TMEM150A: variants seen among roughly 807,000 people sequenced by gnomAD.
TMEM150A encodes the protein transmembrane protein 150A, also known as fasting-inducible integral membrane protein TM6P1.
TMEM150A carries 18 observed loss-of-function variants against 29.8 expected under a neutral mutation model. The ratio of observed to expected loss-of-function variants is 0.60; its 90% CI spans 0.42 to 0.90. The LOEUF (loss-of-function observed/expected upper bound fraction) is 0.90, where lower values mean the gene tolerates loss of function less well. Ranked by LOEUF, TMEM150A falls within the 40% of genes least tolerant of loss-of-function variation. The probability of loss-of-function intolerance (pLI) is 0.00; values close to 1 mark genes in which losing one functional copy is unlikely to be tolerated. For synonymous variants in TMEM150A, 127 were observed against 143.6 expected (o/e 0.88, Z 0.83); for missense variants, 251 against 349.7 (o/e 0.72, Z 2.25).
Position 85,598,790 on chromosome 2 carries a change from A to G in TMEM150A, c.*286T>C, listed in dbSNP as rs911688530. ...GAAACCCCAGTGGTCTGGCTTTGGCACTGGGAGTAGAAGGCACCTGAAGGG... is the reference window on the plus strand; with the variant it reads ...GAAACCCCAGTGGTCTGGCTTTGGCGCTGGGAGTAGAAGGCACCTGAAGGG... On this transcript the variant is annotated 3_prime_UTR_variant, in exon 8 of 8. Transcript: ENST00000334462. 3 of 395,656 alleles carry G rather than the reference A, an allele frequency of 7.6e-6. No homozygotes were observed. The highest frequency in any genetic ancestry group is 7.4e-5 in the Admixed American group (2 of 27,034). 24.5% of individuals were successfully genotyped at this position (395,656 alleles called of 1,614,324 possible).
chr2:85,600,283 G>T (rs1672860537), intron 5 of TMEM150A, 62 bp downstream of exon 5: 3 of 1,585,786 alleles, frequency 1.9e-6, no homozygotes, highest in Non-Finnish European at 2.6e-6. Flanking sequence ...GGCTTCCTGG[G>T]CCTTTCTGTG....
rs762798372 is a variant in TMEM150A, at chr2:85,600,458, G to A, written c.201-46C>T. 1.5e-5 allele frequency: 22 copies of A among 1,502,652 alleles called. No individual in the cohort carries two copies. The Middle Eastern group carries it at 5.4e-4, about 37-fold the overall frequency. The allele number at this position is 1,502,652 out of a possible 1,614,324, so 93.1% of individuals were successfully genotyped here. On this transcript the variant is annotated intron_variant, in intron 4 of 7. Coordinates refer to ENST00000334462, the MANE Select transcript of TMEM150A (RefSeq NM_001031738.3). Reference sequence around the variant, plus strand: ...AGAGTAAGAGGGGTGCAGGAGGCCCGGGGGGCCCCCATTTTGGCTCACTGG... The same window carrying A: ...AGAGTAAGAGGGGTGCAGGAGGCCCAGGGGGCCCCCATTTTGGCTCACTGG...
Position 85,599,798 on chromosome 2 carries a change from CCT to C in TMEM150A, c.396+91_396+92del, listed in dbSNP as rs1672826600. 6.2e-7 allele frequency: 1 copy of C among 1,602,974 alleles called. No individual in the cohort carries two copies. Among genetic ancestry groups the C allele is most frequent in the African/African-American group, 1.3e-5 (1 of 74,796 alleles). ...TCCTCTCTCCCTCTTCCTTCCTCTCCCTCTTTCCAGCCCCAACCTTGAGGTGC... is the reference window on the plus strand; with the variant it reads ...TCCTCTCTCCCTCTTCCTTCCTCTCCCTTTCCAGCCCCAACCTTGAGGTGC... On this transcript the variant is annotated intron_variant, in intron 6 of 7. Coordinates refer to ENST00000334462, the MANE Select transcript of TMEM150A (RefSeq NM_001031738.3). This position sits in a 1 kb window ranked among gnomAD's most constrained non-coding sequence, Gnocchi z 6.0.
Position 85,601,212 on chromosome 2 carries a change from G to A in TMEM150A, c.114-105C>T, listed in dbSNP as rs1573361678. 1 of 1,301,916 alleles carries A rather than the reference G, an allele frequency of 7.7e-7. No homozygotes were observed. 80.6% of individuals were successfully genotyped at this position (1,301,916 alleles called of 1,614,324 possible). ...GACTCTCTCCCAGACCTCCCCTACA[G>A]GGACAGAAGATCCCACTCCCCAGTG... On this transcript the variant is annotated intron_variant, in intron 3 of 7. Coordinates refer to ENST00000334462, the MANE Select transcript of TMEM150A (RefSeq NM_001031738.3). The surrounding 1 kb of genome is among the most constrained non-coding windows in gnomAD (Gnocchi z 4.0).
chr2:85,602,241 T>A lies in TMEM150A; in HGVS notation c.-116-177A>T. On this transcript the variant is annotated intron_variant, in intron 1 of 7. Coordinates refer to ENST00000334462, the MANE Select transcript of TMEM150A (RefSeq NM_001031738.3). This position sits in a 1 kb window ranked among gnomAD's most constrained non-coding sequence, Gnocchi z 5.6. The stretch of plus-strand genomic sequence containing the variant: ...TGGGGGCCTCCGCGGTCAACCCAAA[T>A]GCCACCGGCGTGCTGAGAGACGCAG... 1 of 344,674 alleles carries A rather than the reference T, an allele frequency of 2.9e-6. No individual in the cohort carries two copies. The highest frequency in any genetic ancestry group is 3.4e-5 in the South Asian group (1 of 29,030). The allele number at this position is 344,674 out of a possible 1,614,324, so 21.4% of individuals were successfully genotyped here.
At chr2:85,600,470 T>C in intron 4 of TMEM150A, 58 bp from the exon 5 acceptor site, 1 of 1,369,728 alleles carries the variant, frequency 7.3e-7, no homozygotes, top group Non-Finnish European at 1.0e-6. Context: ...GGGGCCCCCA[T>C]TTTGGCTCAC....
intron 4 of TMEM150A, chr2:85,600,634 C>T (rs533257840): frequency 1.0e-5 from 6 of 580,040 alleles, no homozygotes; most frequent in South Asian, 6.4e-5. Context: ...CAGGAGTGTT[C>T]GGGCAACCCT....
Position 85,599,764 on chromosome 2 carries a change from CA to C in TMEM150A, c.397-63del. On this transcript the variant is annotated intron_variant, in intron 6 of 7. Coordinates refer to ENST00000334462, the MANE Select transcript of TMEM150A (RefSeq NM_001031738.3). The surrounding 1 kb of genome is among the most constrained non-coding windows in gnomAD (Gnocchi z 6.0). The stretch of plus-strand genomic sequence containing the variant: ...TGGCCCCACCTCTCCACCCCTCCTT[CA>C]ATGAATCTCCTCTCTCCCTCTTCCT... 6.3e-7 allele frequency: 1 copy of C among 1,591,560 alleles called. No individual in the cohort carries two copies. The highest frequency in any genetic ancestry group is 8.6e-7 in the Non-Finnish European group (1 of 1,168,094).
Position 85,602,021 on chromosome 2 carries a change from A to G in TMEM150A, c.-73T>C. Reference sequence around the variant, plus strand: ...GTAGATGGGGAAGTGGGGGCGGACCAGCTACCTTGAGATGTTTCTGCCACA... The same window carrying G: ...GTAGATGGGGAAGTGGGGGCGGACCGGCTACCTTGAGATGTTTCTGCCACA... On this transcript the variant is annotated 5_prime_UTR_variant, in exon 2 of 8. Coordinates refer to ENST00000334462, the MANE Select transcript of TMEM150A (RefSeq NM_001031738.3). The surrounding 1 kb of genome is among the most constrained non-coding windows in gnomAD (Gnocchi z 5.6). The G allele has an allele frequency of 7.6e-7, 1 of 1,313,668 alleles. No individual in the cohort carries two copies. Among genetic ancestry groups the G allele is most frequent in the African/African-American group, 1.4e-5 (1 of 69,512 alleles). The allele number at this position is 1,313,668 out of a possible 1,614,324, so 81.4% of individuals were successfully genotyped here. A position where few individuals can be genotyped will look rare whatever the true frequency, so the allele number is the denominator to read the frequency against.
chr2:85,601,321 A>G lies in TMEM150A; in HGVS notation c.113+114T>C. 1.4e-6 allele frequency: 2 copies of G among 1,392,498 alleles called. No homozygotes were observed. Among genetic ancestry groups the G allele is most frequent in the Non-Finnish European group, 2.0e-6 (2 of 978,940 alleles). The allele number at this position is 1,392,498 out of a possible 1,614,324, so 86.3% of individuals were successfully genotyped here. ...GAAGCCATGCCTGGGGACCAATTTC[A>G]GAGAAGAGCAGTGAGGCTCAGGGTT... On this transcript the variant is annotated intron_variant, in intron 3 of 7. Transcript: ENST00000334462. This position sits in a 1 kb window ranked among gnomAD's most constrained non-coding sequence, Gnocchi z 4.0.
At position 85,601,160 on chromosome 2, in the gene TMEM150A, T is replaced by C. The variant is rs961944455; in HGVS notation, c.114-53A>G. The C allele has an allele frequency of 6.4e-7, 1 of 1,572,246 alleles. No homozygotes were observed. Among genetic ancestry groups the C allele is most frequent in the Non-Finnish European group, 8.7e-7 (1 of 1,149,996 alleles). ...GGGGAAGGGACTGCCCCCAGGCCCT[T>C]GGCCTATAGCCTCAGGCCTCAAAGA... On this transcript the variant is annotated intron_variant, in intron 3 of 7. Transcript: ENST00000334462. The surrounding 1 kb of genome is among the most constrained non-coding windows in gnomAD (Gnocchi z 4.0).
chr2:85,599,598 G>A lies in TMEM150A; in HGVS notation c.501C>T (p.Thr167=), dbSNP rs11891495. 0.25 allele frequency: 402,370 copies of A among 1,613,824 alleles called. 52,551 individuals carry two copies. The highest frequency in any genetic ancestry group is 0.27 in the Non-Finnish European group (322,852 of 1,179,948). Reference sequence around the variant, plus strand: ...AGGCCACAGCCAGGTCCAGCGGGGCGGTGGCCCCTTGGTAGGAGAGAGCAC... The same window carrying A: ...AGGCCACAGCCAGGTCCAGCGGGGCAGTGGCCCCTTGGTAGGAGAGAGCAC... ...LHCALSYQGA[T]APLDLAVAYL... The change falls in exon 7 of 8, where the codon ACC becomes ACT. Residue 167 remains threonine (T), a synonymous_variant. Coordinates refer to ENST00000334462, the MANE Select transcript of TMEM150A (RefSeq NM_001031738.3). This position sits in a 1 kb window ranked among gnomAD's most constrained non-coding sequence, Gnocchi z 6.0.
At chr2:85,600,072 G>T in intron 5 of TMEM150A, 54 bp from the exon 6 acceptor site, 1 of 1,599,400 alleles carries the variant, frequency 6.3e-7, no homozygotes, top group Non-Finnish European at 8.5e-7. Flanking sequence ...CCTGCCCAGC[G>T]AGCCTGTCAG....
Position 85,601,676 on chromosome 2 carries a change from T to A in TMEM150A, c.66-194A>T. The A allele has an allele frequency of 1.2e-6, 1 of 848,062 alleles. No individual in the cohort carries two copies. Among genetic ancestry groups the A allele is most frequent in the Non-Finnish European group, 1.9e-6 (1 of 529,846 alleles). The allele number at this position is 848,062 out of a possible 1,614,324, so 52.5% of individuals were successfully genotyped here. ...CCCCCAGCTACAGGCCCTCTGGAAA[T>A]TGCCCTGGCTAGAAGTATATTTGTC... is the stretch of plus-strand genomic sequence containing the variant. On this transcript the variant is annotated intron_variant, in intron 2 of 7. Coordinates refer to ENST00000334462, the MANE Select transcript of TMEM150A (RefSeq NM_001031738.3). The surrounding 1 kb of genome is among the most constrained non-coding windows in gnomAD (Gnocchi z 4.0).
In TMEM150A at chr2:85,601,566, C is replaced by A; in HGVS notation, c.66-84G>T. ...TGACCCTTCTCTTCAACCTTGATTT[C>A]TGGCCCCATTCAGCCTCATTATTGT... is the stretch of plus-strand genomic sequence containing the variant. On this transcript the variant is annotated intron_variant, in intron 2 of 7. Transcript: ENST00000334462. The surrounding 1 kb of genome is among the most constrained non-coding windows in gnomAD (Gnocchi z 4.0). The A allele has an allele frequency of 6.7e-7, 1 of 1,501,350 alleles. No homozygotes were observed. The highest frequency in any genetic ancestry group is 1.2e-5 in the South Asian group (1 of 84,064). 93.0% of individuals were successfully genotyped at this position (1,501,350 alleles called of 1,614,324 possible).
chr2:85,601,587 A>G lies in TMEM150A; in HGVS notation c.66-105T>C. On this transcript the variant is annotated intron_variant, in intron 2 of 7. Transcript: ENST00000334462. This position sits in a 1 kb window ranked among gnomAD's most constrained non-coding sequence, Gnocchi z 4.0. ...ATTTCTGGCCCCATTCAGCCTCATT[A>G]TTGTTGCTGGGGACTCAAGTTGAGG... is the stretch of plus-strand genomic sequence containing the variant. The G allele has an allele frequency of 5.1e-6, 7 of 1,367,786 alleles. No individual in the cohort carries two copies. The highest frequency in any genetic ancestry group is 7.1e-6 in the Non-Finnish European group (7 of 991,950). The allele number at this position is 1,367,786 out of a possible 1,614,324, so 84.7% of individuals were successfully genotyped here.
chr2:85,600,093 A>T, intron 5 of TMEM150A, 75 bp from the exon 6 acceptor site: 1 of 1,581,580 alleles, frequency 6.3e-7, no homozygotes, highest in Non-Finnish European at 8.6e-7. Flanking sequence ...CTTCCCCCAG[A>T]CGCTGTGGTG....
Position 85,599,945 on chromosome 2 carries a change from T to G in TMEM150A, c.342A>C (p.Ala114=). 1 of 1,611,476 alleles carries G rather than the reference T, an allele frequency of 6.2e-7. No homozygotes were observed. The highest frequency in any genetic ancestry group is 8.5e-7 in the Non-Finnish European group (1 of 1,179,768). ...QSRHSWVNTT[A]LITGCTNAAG... is the part of the protein sequence containing the mutation. ...CAGCGTTGGTGCAGCCTGTGATGAG[T>G]GCCGTGGTGTTAACCCAAGAGTGCC... The change falls in exon 6 of 8, where the codon GCA becomes GCC. Residue 114 remains alanine (A), a synonymous_variant. Transcript: ENST00000334462. This position sits in a 1 kb window ranked among gnomAD's most constrained non-coding sequence, Gnocchi z 6.0.
chr2:85,599,536 G>A lies in TMEM150A; in HGVS notation c.563C>T (p.Thr188Ile). The change falls in exon 7 of 8, where the codon ACC becomes ATC. Residue 188 changes from threonine (T) to isoleucine (I), a missense_variant. Transcript: ENST00000334462. The surrounding 1 kb of genome is among the most constrained non-coding windows in gnomAD (Gnocchi z 6.0). Reference sequence around the variant, plus strand: ...TCCTGAAAGGATACTGAGGACCAGGGTGATAAAGGCGATGACAGCCAGCAC... The same window carrying A: ...TCCTGAAAGGATACTGAGGACCAGGATGATAAAGGCGATGACAGCCAGCAC... ...RSVLAVIAFI[T>I]LVLSGVFFVH... 1 of 1,612,734 alleles carries A rather than the reference G, an allele frequency of 6.2e-7. No homozygotes were observed. Among genetic ancestry groups the A allele is most frequent in the East Asian group, 2.2e-5 (1 of 44,886 alleles).
Sources: allele counts gnomAD v4.1 joint callset, GRCh38; gene constraint gnomAD v4.1.1; non-coding constraint Gnocchi (gnomAD v3.1); transcripts MANE v1.5; gene names NCBI Gene and HGNC (gene_info 2026-07-23, HGNC 2026-07-21).